Variants in TGFBR2 observed in about 807,000 individuals in gnomAD.
TGFBR2 encodes the protein TGF-beta receptor type-2.
In TGFBR2, 18 loss-of-function variants were observed where a neutral mutation model predicts 49.0. The ratio of observed to expected loss-of-function variants is 0.37; its 90% CI spans 0.25 to 0.54. The LOEUF (loss-of-function observed/expected upper bound fraction) is 0.54. Ranked by LOEUF, TGFBR2 falls within the 20% of genes least tolerant of loss-of-function variation. TGFBR2 has a pLI of 0.85. For synonymous variants in TGFBR2, 282 were observed against 275.9 expected (o/e 1.02, Z -0.22); for missense variants, 525 against 722.6 (o/e 0.73, Z 3.13).
intron 5 of TGFBR2, among the ~76,000 whole-genome samples, chr3:30,679,685 C>A (rs952444123): frequency 6.6e-6 from 1 of 152,206 alleles, no homozygotes; most frequent in Non-Finnish European, 1.5e-5. Flanking sequence ...TGTTATTAAT[C>A]CCATTTTACA....
intron 1 of TGFBR2, among the ~76,000 whole-genome samples, chr3:30,632,083 A>G (rs559130649): frequency 4.6e-5 from 7 of 152,194 alleles, no homozygotes; most frequent in Admixed American, 6.5e-5. Flanking sequence ...GTTGTTGCCC[A>G]TATTCTTCTG....
intron 1 of TGFBR2, among the ~76,000 whole-genome samples, chr3:30,614,184 C>G (rs1271426418): frequency 6.7e-6 from 1 of 149,684 alleles, no homozygotes; most frequent in Admixed American, 6.7e-5. Context: ...GAGAGACCAC[C>G]AGGCGGGCAA....
chr3:30,623,070 G>A (rs1272621523), intron 1 of TGFBR2: 1 of 667,778 alleles, frequency 1.5e-6, no homozygotes, highest in African/African-American at 1.8e-5. Context: ...ACCATGTCTA[G>A]TTATAATAAT....
In TGFBR2 at chr3:30,681,760, A is replaced by G. The variant is rs114780051; in HGVS notation, c.1397-6624A>G. ...GAAACAGTCTGAGGGTGAGACAAAG[A>G]CTTGGTTTGATGAACTAATTCTGCT... On this transcript the variant is annotated intron_variant, in intron 5 of 6. Transcript: ENST00000295754. 8.4e-3 allele frequency among the ~76,000 whole-genome samples: 1,277 copies of G among 152,264 alleles called. 18 individuals carry two copies. Among genetic ancestry groups the G allele is most frequent in the African/African-American group, 0.029 (1,209 of 41,524 alleles).
chr3:30,665,981 A>C (rs1164458574), intron 3 of TGFBR2, among the ~76,000 whole-genome samples: 4 of 152,256 alleles, frequency 2.6e-5, no homozygotes, highest in Non-Finnish European at 5.9e-5. Context: ...AGATCTAAAC[A>C]ATTGAAATGT....
At chr3:30,606,515 GCT>G, upstream of TGFBR2, 1 of 258,342 alleles carries the variant, frequency 3.9e-6, no homozygotes, top group Non-Finnish European at 7.5e-6. Flanking sequence ...GAGGGAGAAG[GCT>G]CTCGGGCGGA....
chr3:30,685,489 A>G (rs530246643), intron 5 of TGFBR2, among the ~76,000 whole-genome samples: 40 of 152,318 alleles, frequency 2.6e-4, no homozygotes, highest in African/African-American at 9.1e-4. Flanking sequence ...AGCTCTCATG[A>G]GAAGGAAGTA....
At chr3:30,643,929 T>C (rs1482500829) in intron 1 of TGFBR2, among the ~76,000 whole-genome samples, 1 of 152,124 alleles carries the variant, frequency 6.6e-6, no homozygotes, top group East Asian at 1.9e-4. Context: ...GGGAATGAAC[T>C]TGGCTTCTTC....
At chr3:30,619,537 C>A (rs538614281) in intron 1 of TGFBR2, among the ~76,000 whole-genome samples, 1 of 152,152 alleles carries the variant, frequency 6.6e-6, no homozygotes. Flanking sequence ...TTGATGACTA[C>A]GTGCACAGAT....
intron 1 of TGFBR2, among the ~76,000 whole-genome samples, chr3:30,619,139 A>T (rs1213369393): frequency 2.0e-5 from 3 of 152,156 alleles, no homozygotes; most frequent in African/African-American, 7.2e-5. Context: ...CTCATATCTC[A>T]TGGTGATTCC....
chr3:30,658,165 C>T (rs1699043773), intron 3 of TGFBR2, among the ~76,000 whole-genome samples: 1 of 152,196 alleles, frequency 6.6e-6, no homozygotes, highest in African/African-American at 2.4e-5. Context: ...GGGCTCAGGC[C>T]AACCCCTGAT....
chr3:30,670,552 AG>A (rs1483793801), intron 3 of TGFBR2, among the ~76,000 whole-genome samples: 1 of 152,230 alleles, frequency 6.6e-6, no homozygotes, highest in Non-Finnish European at 1.5e-5. Context: ...ACAAGCTCCC[AG>A]TGAACTAGAG....
intron 1 of TGFBR2, among the ~76,000 whole-genome samples, chr3:30,642,011 G>A (rs376429967): frequency 1.8e-4 from 27 of 151,616 alleles, no homozygotes; most frequent in African/African-American, 6.3e-4. Flanking sequence ...TGCAAGCATC[G>A]GACTTAAACC....
chr3:30,663,574 T>G (rs900000109), intron 3 of TGFBR2, among the ~76,000 whole-genome samples: 1 of 152,214 alleles, frequency 6.6e-6, no homozygotes, highest in Admixed American at 6.5e-5. Context: ...GTCATATTAG[T>G]AGCAAGACGA....
chr3:30,612,690 G>A (rs1435845069), intron 1 of TGFBR2, among the ~76,000 whole-genome samples: 1 of 152,050 alleles, frequency 6.6e-6, no homozygotes, highest in Non-Finnish European at 1.5e-5. Flanking sequence ...CATTTGCAAA[G>A]ATGTGTATTG....
At chr3:30,615,877 C>A (rs1428065454) in intron 1 of TGFBR2, among the ~76,000 whole-genome samples, 1 of 151,946 alleles carries the variant, frequency 6.6e-6, no homozygotes, top group Non-Finnish European at 1.5e-5. Context: ...AAGGCATGCA[C>A]CACCAAGACC....
intron 5 of TGFBR2, among the ~76,000 whole-genome samples, chr3:30,678,314 G>A (rs990575398): frequency 2.0e-5 from 3 of 152,094 alleles, no homozygotes; most frequent in East Asian, 1.9e-4. Flanking sequence ...TTGGGAAGCC[G>A]AGGCGGGTGG....
At chr3:30,674,720 T>A (rs188655764) in intron 5 of TGFBR2, among the ~76,000 whole-genome samples, 3 of 152,300 alleles carry the variant, frequency 2.0e-5, no homozygotes, top group African/African-American at 7.2e-5. Context: ...AATCATTGTT[T>A]GAGATATTTG....
At position 30,606,875 on chromosome 3, in the gene TGFBR2, G is replaced by A. The variant is rs1406962229; in HGVS notation, c.-9G>A. On this transcript the variant is annotated 5_prime_UTR_variant, in exon 1 of 7. Transcript: ENST00000295754. ...GGGGCTCGGTCTATGACGAGCAGCG[G>A]GGTCTGCCATGGGTCGGGGGCTGCT... is the stretch of plus-strand genomic sequence containing the variant. 3 of 1,501,574 alleles carry A rather than the reference G, an allele frequency of 2.0e-6. No individual in the cohort carries two copies. The highest frequency in any genetic ancestry group is 2.7e-6 in the Non-Finnish European group (3 of 1,111,716). The allele number at this position is 1,501,574 out of a possible 1,614,324, so 93.0% of individuals were successfully genotyped here.
Sources: gnomAD v4.1 joint callset for allele counts (sites outside exome capture counted in the v4.1 genomes callset) on GRCh38, gnomAD v4.1.1 for gene constraint, MANE v1.5 for transcripts, NCBI Gene and HGNC (gene_info 2026-07-23, HGNC 2026-07-21) for gene names.